TMPRSS2: variants seen among roughly 807,000 people sequenced by gnomAD.
The protein encoded by TMPRSS2 is transmembrane serine protease 2, also known as transmembrane protease serine 2.
TMPRSS2 carries 59 observed loss-of-function variants against 67.4 expected under a neutral mutation model. That is an observed-to-expected ratio of 0.88 (90% CI 0.71 to 1.09). The LOEUF is 1.09. TMPRSS2 is among the 50% of genes least tolerant of loss of function. TMPRSS2 has a pLI of 0.00. For missense variants in TMPRSS2, 668 were observed against 642.7 expected, an observed-to-expected ratio of 1.04 and a Z score of -0.43; for synonymous variants, 257 against 257.0, an observed-to-expected ratio of 1.00 and a Z score of 0.00.
rs2091469341 is a variant in TMPRSS2, at chr21:41,507,872, G to A, written c.-57+209C>T. 25 of 1,447,118 alleles carry A rather than the reference G, an allele frequency of 1.7e-5. 1 individual carries two copies. In the South Asian group the frequency reaches 3.1e-4, roughly 18 times the overall value. The allele number at this position is 1,447,118 out of a possible 1,614,324, so 89.6% of individuals were successfully genotyped here. Reference sequence around the variant, plus strand: ...TCTCGGCCGTGCGCAAGGGGTCCCAGGCGCCCAGCACTCTCCCAGCACCCC... The same window carrying A: ...TCTCGGCCGTGCGCAAGGGGTCCCAAGCGCCCAGCACTCTCCCAGCACCCC... On this transcript the variant is annotated intron_variant, in intron 1 of 13. Transcript: ENST00000332149.
chr21:41,483,547 C>T (rs13049728), intron 5 of TMPRSS2, among the ~76,000 whole-genome samples: 1 of 151,440 alleles, frequency 6.6e-6, no homozygotes, highest in South Asian at 2.1e-4. Flanking sequence ...CCCCCCACCT[C>T]GGCCTCCCAA....
intron 10 of TMPRSS2, 86 bp from the exon 11 acceptor site, chr21:41,470,829 TG>T: frequency 9.2e-7 from 1 of 1,086,162 alleles, no homozygotes; most frequent in Non-Finnish European, 1.3e-6. Flanking sequence ...CTGCTGGGCC[TG>T]GCACCCTGGC....
intron 3 of TMPRSS2, among the ~76,000 whole-genome samples, chr21:41,492,540 T>C (rs1290886340): frequency 6.6e-6 from 1 of 152,242 alleles, no homozygotes; most frequent in Non-Finnish European, 1.5e-5. Context: ...CATTACACTT[T>C]CAAAATGTAT....
intron 1 of TMPRSS2, among the ~76,000 whole-genome samples, chr21:41,501,592 G>A (rs1426563375): frequency 8.5e-5 from 11 of 129,222 alleles, no homozygotes; most frequent in Non-Finnish European, 1.4e-4. Flanking sequence ...CTGGGTGACA[G>A]AGAGAGACTC....
At chr21:41,499,315 G>A (rs1036038224) in intron 1 of TMPRSS2, among the ~76,000 whole-genome samples, 3 of 152,152 alleles carry the variant, frequency 2.0e-5, no homozygotes, top group African/African-American at 7.2e-5. Flanking sequence ...TAGTAAAGCC[G>A]CATTCTGACA....
At chr21:41,484,982 T>G (rs1336882654) in intron 5 of TMPRSS2, among the ~76,000 whole-genome samples, 5 of 152,028 alleles carry the variant, frequency 3.3e-5, no homozygotes. Context: ...TACCTGTGCT[T>G]CTTTATGCAA....
intron 5 of TMPRSS2, among the ~76,000 whole-genome samples, chr21:41,483,590 C>T (rs1472803246): frequency 1.3e-5 from 2 of 151,756 alleles, no homozygotes; most frequent in African/African-American, 2.4e-5. Flanking sequence ...GCCAGCACAC[C>T]CGGCTCAAAA....
intron 1 of TMPRSS2, chr21:41,502,290 C>A (rs2091429655): frequency 1.3e-6 from 1 of 769,294 alleles, no homozygotes; most frequent in Non-Finnish European, 1.6e-6. Flanking sequence ...AACAACCAAG[C>A]CAACGCGAAT....
intron 3 of TMPRSS2, among the ~76,000 whole-genome samples, chr21:41,491,730 G>A (rs890619891): frequency 2.0e-5 from 3 of 152,244 alleles, no homozygotes; most frequent in East Asian, 3.8e-4. Flanking sequence ...ACCTCACACT[G>A]AGCATGTGCC....
intron 2 of TMPRSS2, among the ~76,000 whole-genome samples, chr21:41,497,847 C>T (rs2091395713): frequency 6.6e-6 from 1 of 152,222 alleles, no homozygotes; most frequent in African/African-American, 2.4e-5. Flanking sequence ...TGTCCCTGCC[C>T]CCTGCCCTGC....
intron 2 of TMPRSS2, among the ~76,000 whole-genome samples, chr21:41,495,976 G>T (rs1426948449): frequency 6.6e-6 from 1 of 151,350 alleles, no homozygotes; most frequent in Non-Finnish European, 1.5e-5. Context: ...ATTTTAAAAA[G>T]TTGTGTAGAG....
intron 11 of TMPRSS2, among the ~76,000 whole-genome samples, 189 bp downstream of exon 11, chr21:41,470,459 T>TTA (rs1248344130): frequency 6.6e-6 from 1 of 152,206 alleles, no homozygotes; most frequent in African/African-American, 2.4e-5. Context: ...ACACAGTGTA[T>TTA]TAGGTAGGCT....
intron 10 of TMPRSS2, 24 bp from the exon 11 acceptor site, chr21:41,470,767 G>C: frequency 6.2e-7 from 1 of 1,611,122 alleles, no homozygotes; most frequent in Non-Finnish European, 8.5e-7. Context: ...AGAAAACACA[G>C]TGAGCCAGGC....
chr21:41,467,703 AAC>A (rs1386707122), intron 13 of TMPRSS2, 29 bp downstream of exon 13: 1 of 1,610,470 alleles, frequency 6.2e-7, no homozygotes, highest in Admixed American at 1.7e-5. Flanking sequence ...GGAATCGGAG[AAC>A]ACAGTCAGAA....
In TMPRSS2 at chr21:41,489,538, A is replaced by G. The variant is rs774699935; in HGVS notation, c.294T>C (p.Ala98=). 1 of 1,614,134 alleles carries G rather than the reference A, an allele frequency of 6.2e-7. No individual in the cohort carries two copies. Among genetic ancestry groups the G allele is most frequent in the South Asian group, 1.1e-5 (1 of 91,080 alleles). ...TLTLGTFLVG[A]ALAAGLLWKF... is the part of the protein sequence containing the mutation. ...TCCAGAGTAGGCCAGCGGCCAGCGC[A>G]GCTCCCACGAGGAAGGTCCCCAGGG... is the stretch of plus-strand genomic sequence containing the variant. Residue 98 remains alanine, a synonymous_variant, in exon 4 of 14, where the codon GCT becomes GCC. Transcript: ENST00000332149.
chr21:41,503,159 A>C (rs1344655774), intron 1 of TMPRSS2, among the ~76,000 whole-genome samples: 2 of 152,238 alleles, frequency 1.3e-5, no homozygotes. Context: ...CAAATGAGTA[A>C]GATGAAATTT....
At chr21:41,507,005 TC>T (rs1310638103) in intron 1 of TMPRSS2, among the ~76,000 whole-genome samples, 1 of 152,166 alleles carries the variant, frequency 6.6e-6, no homozygotes, top group Non-Finnish European at 1.5e-5. Flanking sequence ...TGCTATCCTT[TC>T]CTTCCCAAAC....
intron 3 of TMPRSS2, among the ~76,000 whole-genome samples, chr21:41,490,985 C>T (rs930246817): frequency 5.3e-5 from 8 of 152,154 alleles, no homozygotes; most frequent in Admixed American, 3.9e-4. Flanking sequence ...AGAGCTGACC[C>T]ATCTGCTGAG....
intron 2 of TMPRSS2, among the ~76,000 whole-genome samples, chr21:41,495,557 G>A (rs942558189): frequency 5.3e-5 from 8 of 151,180 alleles, no homozygotes; most frequent in East Asian, 3.9e-4. Flanking sequence ...CCCGGGAGGC[G>A]GAAGTTGCAG....
Sources: gnomAD v4.1 joint callset for allele counts (sites outside exome capture counted in the v4.1 genomes callset) on GRCh38, gnomAD v4.1.1 for gene constraint, MANE v1.5 for transcripts, NCBI Gene and HGNC (gene_info 2026-07-23, HGNC 2026-07-21) for gene names.